KLF6: variants seen among roughly 807,000 people sequenced by gnomAD.
KLF6 encodes the protein KLF transcription factor 6, also known as Krueppel-like factor 6.
For synonymous variants in KLF6, 152 were observed against 147.9 expected (o/e 1.03, Z -0.20); for missense variants, 233 against 359.8 (o/e 0.65, Z 2.85).
Position 3,780,314 on chromosome 10 carries a change from G to A in KLF6, c.677-85C>T. ...GAAATTCAACAACACACACAGTGGTGGGATGCAAGGCCAGGGACCCAGTGG... is the reference window on the plus strand; with the variant it reads ...GAAATTCAACAACACACACAGTGGTAGGATGCAAGGCCAGGGACCCAGTGG... On this transcript the variant is annotated intron_variant, in intron 2 of 3. Coordinates refer to ENST00000497571, the MANE Select transcript of KLF6 (RefSeq NM_001300.6). This position sits in a 1 kb window ranked among gnomAD's most constrained non-coding sequence, Gnocchi z 4.6. 2 of 1,551,168 alleles carry A rather than the reference G, an allele frequency of 1.3e-6. No homozygotes were observed. The highest frequency in any genetic ancestry group is 2.2e-5 in the South Asian group (2 of 89,904).
chr10:3,778,092 T>C lies in KLF6; in HGVS notation c.*1447A>G, dbSNP rs1471507487. ...TTCCATTTTAACACTGACAGTCAAG[T>C]TGCCTAAAGTGTTGAACAAATACTG... On this transcript the variant is annotated 3_prime_UTR_variant, in exon 4 of 4. Coordinates refer to ENST00000497571, the MANE Select transcript of KLF6 (RefSeq NM_001300.6). 3 of 516,528 alleles carry C rather than the reference T, an allele frequency of 5.8e-6. No individual in the cohort carries two copies. Among genetic ancestry groups the C allele is most frequent in the Non-Finnish European group, 1.1e-5 (3 of 265,132 alleles). The allele number at this position is 516,528 out of a possible 1,614,324, so 32.0% of individuals were successfully genotyped here.
At position 3,785,066 on chromosome 10, in the gene KLF6, G is replaced by C. The variant is rs1319043359; in HGVS notation, c.-52C>G. ...GGTCGCGAGGGCGGCGAGGCGCGCG[G>C]TGGGAGCCGGAGCCGAAAGTCTCCC... On this transcript the variant is annotated 5_prime_UTR_variant, in exon 1 of 4. Coordinates refer to ENST00000497571, the MANE Select transcript of KLF6 (RefSeq NM_001300.6). 8 of 1,606,712 alleles carry C rather than the reference G, an allele frequency of 5.0e-6. No homozygotes were observed. Among genetic ancestry groups the C allele is most frequent in the Non-Finnish European group, 6.8e-6 (8 of 1,177,382 alleles).
At position 3,776,467 on chromosome 10, in the gene KLF6, C is replaced by A; in HGVS notation, c.*3072G>T. The A allele has an allele frequency of 1.9e-6, 1 of 531,156 alleles. No individual in the cohort carries two copies. The highest frequency in any genetic ancestry group is 3.6e-6 in the Non-Finnish European group (1 of 274,440). The allele number at this position is 531,156 out of a possible 1,614,324, so 32.9% of individuals were successfully genotyped here. ...CTCAGGGTTGCTCAATGAAGATTTGCCCCCAGGAGGAAGCCAGGGTGATGA... is the reference window on the plus strand; with the variant it reads ...CTCAGGGTTGCTCAATGAAGATTTGACCCCAGGAGGAAGCCAGGGTGATGA... On this transcript the variant is annotated 3_prime_UTR_variant, in exon 4 of 4. Coordinates refer to ENST00000497571, the MANE Select transcript of KLF6 (RefSeq NM_001300.6).
chr10:3,777,891 T>G lies in KLF6; in HGVS notation c.*1648A>C, dbSNP rs1444825048. 8.2e-6 allele frequency: 4 copies of G among 489,590 alleles called. No individual in the cohort carries two copies. The highest frequency in any genetic ancestry group is 1.6e-5 in the Non-Finnish European group (4 of 249,142). The allele number at this position is 489,590 out of a possible 1,614,324, so 30.3% of individuals were successfully genotyped here. On this transcript the variant is annotated 3_prime_UTR_variant, in exon 4 of 4. Coordinates refer to ENST00000497571, the MANE Select transcript of KLF6 (RefSeq NM_001300.6). ...TAGCTAGACAGATATGTGAAACTTG[T>G]GCCTTTTAAGCAAATACATTAACAT...
At position 3,780,545 on chromosome 10, in the gene KLF6, C is replaced by T. The variant is rs184942099; in HGVS notation, c.677-316G>A. Reference sequence around the variant, plus strand: ...GGGATGAGGTGTCAGCCTGCCGGACCCACAGCCCCGGCAAAGGCAGAGCTA... The same window carrying T: ...GGGATGAGGTGTCAGCCTGCCGGACTCACAGCCCCGGCAAAGGCAGAGCTA... On this transcript the variant is annotated intron_variant, in intron 2 of 3. Transcript: ENST00000497571. The surrounding 1 kb of genome is among the most constrained non-coding windows in gnomAD (Gnocchi z 4.6). The T allele has an allele frequency of 1.8e-5, 8 of 437,740 alleles. No homozygotes were observed. The East Asian group carries it at 3.9e-4, about 21-fold the overall frequency. The allele number at this position is 437,740 out of a possible 1,614,324, so 27.1% of individuals were successfully genotyped here. A position where few individuals can be genotyped will look rare whatever the true frequency, so the allele number is the denominator to read the frequency against.
At position 3,781,167 on chromosome 10, in the gene KLF6, G is replaced by A. The variant is rs138171209; in HGVS notation, c.676+474C>T. On this transcript the variant is annotated intron_variant, in intron 2 of 3. Coordinates refer to ENST00000497571, the MANE Select transcript of KLF6 (RefSeq NM_001300.6). The surrounding 1 kb of genome is among the most constrained non-coding windows in gnomAD (Gnocchi z 5.8). The stretch of plus-strand genomic sequence containing the variant: ...CAGGAAACACTCGCTGATCAATGCT[G>A]CTGCTTACAGAGCAGGCCGGTCCCA... The A allele has an allele frequency of 6.6e-6, 2 of 303,182 alleles. No homozygotes were observed. The highest frequency in any genetic ancestry group is 1.2e-5 in the Non-Finnish European group (2 of 163,222). 18.8% of individuals were successfully genotyped at this position (303,182 alleles called of 1,614,324 possible).
intron 1 of KLF6, among the ~76,000 whole-genome samples, chr10:3,783,985 G>C (rs1832590451): frequency 6.6e-6 from 1 of 152,202 alleles, no homozygotes; most frequent in Non-Finnish European, 1.5e-5. Context: ...GGCGTGTGAA[G>C]GTTGCAACAC....
At position 3,778,634 on chromosome 10, in the gene KLF6, T is replaced by A. The variant is rs1245717518; in HGVS notation, c.*905A>T. ...TACAAACTTGGAGGGGAAAAAAAATTGTATATTGCCAGGCCCGGATGGCTA... is the reference window on the plus strand; with the variant it reads ...TACAAACTTGGAGGGGAAAAAAAATAGTATATTGCCAGGCCCGGATGGCTA... On this transcript the variant is annotated 3_prime_UTR_variant, in exon 4 of 4. Coordinates refer to ENST00000497571, the MANE Select transcript of KLF6 (RefSeq NM_001300.6). 1 of 514,552 alleles carries A rather than the reference T, an allele frequency of 1.9e-6. No homozygotes were observed. Among genetic ancestry groups the A allele is most frequent in the Admixed American group, 2.3e-5 (1 of 43,306 alleles). The allele number at this position is 514,552 out of a possible 1,614,324, so 31.9% of individuals were successfully genotyped here.
Position 3,782,067 on chromosome 10 carries a change from T to C in KLF6, c.250A>G (p.Ser84Gly). 3 of 1,614,188 alleles carry C rather than the reference T, an allele frequency of 1.9e-6. No homozygotes were observed. The highest frequency in any genetic ancestry group is 2.2e-5 in the East Asian group (1 of 44,882). ...CTGATGAGAGTGTCCTCTGGAGGAC[T>C]GGAAGATATCTTCAGTTCGGATTCC... ...KEESELKISSSPPEDTLISPS... is the reference protein window; with the variant it reads ...KEESELKISSGPPEDTLISPS... Residue 84 changes from serine to glycine, a missense_variant, in exon 2 of 4, where the codon AGT becomes GGT. By Grantham distance (56) the Ser-to-Gly change is moderately conservative (BLOSUM62 0). Transcript: ENST00000497571. This position sits in a 1 kb window ranked among gnomAD's most constrained non-coding sequence, Gnocchi z 4.3.
rs1832525877 is a variant in KLF6, at chr10:3,781,736, T to C, written c.581A>G (p.Asp194Gly). 3.1e-6 allele frequency: 5 copies of C among 1,614,094 alleles called. No individual in the cohort carries two copies. Among genetic ancestry groups the C allele is most frequent in the Admixed American group, 1.7e-5 (1 of 60,002 alleles). ...GDKGNGDASP[D>G]GRRRVHRCHF... ...GCACCGGTGCACCCTCCTCCTGCCG[T>C]CGGGGGAGGCATCGCCATTTCCCTT... The change falls in exon 2 of 4, where the codon GAC (aspartate) becomes GGC (glycine). Residue 194 changes from aspartate (D) to glycine (G), a missense_variant. Physicochemically the swap from Asp to Gly is moderately conservative, Grantham distance 94. Coordinates refer to ENST00000497571, the MANE Select transcript of KLF6 (RefSeq NM_001300.6). This position sits in a 1 kb window ranked among gnomAD's most constrained non-coding sequence, Gnocchi z 5.8.
Position 3,781,559 on chromosome 10 carries a change from C to A in KLF6, c.676+82G>T, listed in dbSNP as rs762089079. ...TCTGCCCTGACCACATCCTGTGCAGCCAGGCCCGGCTCCCTCCAGGGCTGG... is the reference window on the plus strand; with the variant it reads ...TCTGCCCTGACCACATCCTGTGCAGACAGGCCCGGCTCCCTCCAGGGCTGG... On this transcript the variant is annotated intron_variant, in intron 2 of 3. Coordinates refer to ENST00000497571, the MANE Select transcript of KLF6 (RefSeq NM_001300.6). This position sits in a 1 kb window ranked among gnomAD's most constrained non-coding sequence, Gnocchi z 5.8. The A allele has an allele frequency of 2.2e-5, 34 of 1,578,534 alleles. 1 individual carries two copies. In the South Asian group the frequency reaches 3.8e-4, roughly 17 times the overall value.
At position 3,779,056 on chromosome 10, in the gene KLF6, C is replaced by CT. The variant is rs375375286; in HGVS notation, c.*482dup. Reference sequence around the variant, plus strand: ...TTGTTTTTTTGTTTTTTTGATTTTTCTTTTTTTTTCTAAGGTGCAGACACC... The same window carrying CT: ...TTGTTTTTTTGTTTTTTTGATTTTTCTTTTTTTTTTCTAAGGTGCAGACACC... On this transcript the variant is annotated 3_prime_UTR_variant, in exon 4 of 4. Coordinates refer to ENST00000497571, the MANE Select transcript of KLF6 (RefSeq NM_001300.6). 541 of 521,380 alleles carry CT rather than the reference C, an allele frequency of 1.0e-3. 2 individuals are homozygous for CT. Among genetic ancestry groups the CT allele is most frequent in the African/African-American group, 8.1e-3 (426 of 52,448 alleles). 32.3% of individuals were successfully genotyped at this position (521,380 alleles called of 1,614,324 possible). A position where few individuals can be genotyped will look rare whatever the true frequency, so the allele number is the denominator to read the frequency against.
In KLF6 at chr10:3,785,180, C is replaced by G. The variant is rs575793821; in HGVS notation, c.-166G>C. On this transcript the variant is annotated 5_prime_UTR_variant, in exon 1 of 4. Coordinates refer to ENST00000497571, the MANE Select transcript of KLF6 (RefSeq NM_001300.6). ...CGCAGCCCGCAGCGCGCGGAGCCCA[C>G]ACAATATTTGCAAACACCGGACTGA... 6.9e-5 allele frequency: 99 copies of G among 1,424,720 alleles called. 2 individuals carry two copies. The East Asian group carries it at 7.7e-4, about 11-fold the overall frequency. 88.3% of individuals were successfully genotyped at this position (1,424,720 alleles called of 1,614,324 possible).
In KLF6 at chr10:3,785,137, C is replaced by A. The variant is rs1313629552; in HGVS notation, c.-123G>T. On this transcript the variant is annotated 5_prime_UTR_variant, in exon 1 of 4. Coordinates refer to ENST00000497571, the MANE Select transcript of KLF6 (RefSeq NM_001300.6). Reference sequence around the variant, plus strand: ...CATGCAAACTCCAGGCTCGCAGAGACGCCCGGCCGGACCCTCCCGCAGCCC... The same window carrying A: ...CATGCAAACTCCAGGCTCGCAGAGAAGCCCGGCCGGACCCTCCCGCAGCCC... The A allele has an allele frequency of 6.5e-7, 1 of 1,537,416 alleles. No individual in the cohort carries two copies. Among genetic ancestry groups the A allele is most frequent in the Non-Finnish European group, 8.8e-7 (1 of 1,141,794 alleles).
At position 3,781,351 on chromosome 10, in the gene KLF6, C is replaced by A. The variant is rs1832514803; in HGVS notation, c.676+290G>T. On this transcript the variant is annotated intron_variant, in intron 2 of 3. Transcript: ENST00000497571. This position sits in a 1 kb window ranked among gnomAD's most constrained non-coding sequence, Gnocchi z 5.8. ...GGGCAGTGGCCTCGGATCCCCAGCA[C>A]TACTAAGGGGTGGGGGGTGGAGGTT... 2 of 1,375,092 alleles carry A rather than the reference C, an allele frequency of 1.5e-6. No homozygotes were observed. Among genetic ancestry groups the A allele is most frequent in the South Asian group, 1.5e-5 (1 of 68,226 alleles). The allele number at this position is 1,375,092 out of a possible 1,614,324, so 85.2% of individuals were successfully genotyped here.
In KLF6 at chr10:3,777,771, T is replaced by C. The variant is rs777512478; in HGVS notation, c.*1768A>G. ...TATCTATATATATAATATATATATA[T>C]ACACACATACACATACTGTACACAC... On this transcript the variant is annotated 3_prime_UTR_variant, in exon 4 of 4. Transcript: ENST00000497571. 6.7e-5 allele frequency: 26 copies of C among 390,792 alleles called. No homozygotes were observed. The highest frequency in any genetic ancestry group is 1.5e-4 in the South Asian group (7 of 46,186). The allele number at this position is 390,792 out of a possible 1,614,324, so 24.2% of individuals were successfully genotyped here. A position where few individuals can be genotyped will look rare whatever the true frequency, so the allele number is the denominator to read the frequency against.
chr10:3,784,027 G>T (rs1004426446), intron 1 of KLF6, among the ~76,000 whole-genome samples: 1 of 152,160 alleles, frequency 6.6e-6, no homozygotes, highest in Admixed American at 6.5e-5. Flanking sequence ...AGCTTTCGAG[G>T]CTTGGAAACC....
rs751886217 is a variant in KLF6, at chr10:3,776,932, C to CTTTTTTTTT, written c.*2598_*2606dup. 4.8e-6 allele frequency: 2 copies of CTTTTTTTTT among 417,610 alleles called. No homozygotes were observed. The highest frequency in any genetic ancestry group is 5.2e-5 in the East Asian group (1 of 19,394). The allele number at this position is 417,610 out of a possible 1,614,324, so 25.9% of individuals were successfully genotyped here. On this transcript the variant is annotated 3_prime_UTR_variant, in exon 4 of 4. Coordinates refer to ENST00000497571, the MANE Select transcript of KLF6 (RefSeq NM_001300.6). The stretch of plus-strand genomic sequence containing the variant: ...AAGCCAGTGCAAGTTTTTTTTTTTC[C>CTTTTTTTTT]TTTTTTTTTTTTTGTCTTTTGCTTA...
In KLF6 at chr10:3,778,224, C is replaced by CTTAA. The variant is rs1333519636; in HGVS notation, c.*1311_*1314dup. On this transcript the variant is annotated 3_prime_UTR_variant, in exon 4 of 4. Coordinates refer to ENST00000497571, the MANE Select transcript of KLF6 (RefSeq NM_001300.6). ...GTACACTGCCAGGTGAAACAAGAGC[C>CTTAA]TTAATAAAGCATGCATCGCCCACAC... is the stretch of plus-strand genomic sequence containing the variant. 2 of 526,210 alleles carry CTTAA rather than the reference C, an allele frequency of 3.8e-6. No homozygotes were observed. Among genetic ancestry groups the CTTAA allele is most frequent in the Admixed American group, 4.5e-5 (2 of 44,752 alleles). 32.6% of individuals were successfully genotyped at this position (526,210 alleles called of 1,614,324 possible).
Sources: gnomAD v4.1 joint callset for allele counts (sites outside exome capture counted in the v4.1 genomes callset) on GRCh38, gnomAD v4.1.1 for gene constraint, Gnocchi (gnomAD v3.1) non-coding constraint, MANE v1.5 for transcripts, NCBI Gene and HGNC (gene_info 2026-07-23, HGNC 2026-07-21) for gene names.